Variants in LYN observed in about 807,000 individuals in gnomAD.
LYN encodes tyrosine-protein kinase Lyn.
In LYN, 12 loss-of-function variants were observed where a neutral mutation model predicts 65.0. That is an observed-to-expected ratio of 0.18 (90% CI 0.12 to 0.30). The LOEUF (loss-of-function observed/expected upper bound fraction) is 0.30, where lower values mean the gene tolerates loss of function less well. LYN is among the 10% of genes least tolerant of loss of function. LYN has a pLI of 1.00. For synonymous variants in LYN, 222 were observed against 221.2 expected (o/e 1.00, Z -0.03); for missense variants, 380 against 623.2 (o/e 0.61, Z 4.16).
In LYN at chr8:55,929,041, G is replaced by GA. The variant is rs577512685; in HGVS notation, c.-5-12807dup. On this transcript the variant is annotated intron_variant, in intron 1 of 12. Transcript: ENST00000519728. ...TACAGTTGTTCCAGTACCACTTATT[G>GA]AAAAAAATATCCTTTCAGTGTTGAA... 5.7e-3 allele frequency among the ~76,000 whole-genome samples: 867 copies of GA among 151,974 alleles called. 8 individuals are homozygous for GA. Among genetic ancestry groups the GA allele is most frequent in the African/African-American group, 0.02 (821 of 41,460 alleles).
intron 12 of LYN, among the ~76,000 whole-genome samples, chr8:56,003,346 C>G (rs1808584126): frequency 6.6e-6 from 1 of 152,106 alleles, no homozygotes; most frequent in Admixed American, 6.5e-5. Flanking sequence ...CAGGCACGAG[C>G]CACCTCACTC....
intron 8 of LYN, among the ~76,000 whole-genome samples, chr8:55,960,929 G>A (rs1338653380): frequency 6.6e-6 from 1 of 152,182 alleles, no homozygotes. Flanking sequence ...TGTGACATCT[G>A]ACTTGGGTGA....
At chr8:55,903,818 A>G (rs1261270076) in intron 1 of LYN, among the ~76,000 whole-genome samples, 3 of 152,194 alleles carry the variant, frequency 2.0e-5, no homozygotes, top group Non-Finnish European at 1.5e-5. Context: ...GTTTGACACC[A>G]GCCTGGGCAA....
intron 1 of LYN, chr8:55,893,950 G>A (rs998936867): frequency 2.0e-5 from 3 of 152,246 alleles, no homozygotes; most frequent in Non-Finnish European, 4.4e-5. Flanking sequence ...GGGACTAGAG[G>A]CATGTGCCAC....
chr8:55,925,786 G>A (rs965088193), intron 1 of LYN, among the ~76,000 whole-genome samples: 1 of 152,142 alleles, frequency 6.6e-6, no homozygotes, highest in Admixed American at 6.5e-5. Context: ...GTGTCTTGCT[G>A]TGTTTGATTT....
Position 55,942,004 on chromosome 8 carries a change from T to A in LYN, c.132+13T>A, listed in dbSNP as rs370291126. On this transcript the variant is annotated intron_variant, in intron 2 of 12. Coordinates refer to ENST00000519728, the MANE Select transcript of LYN (RefSeq NM_002350.4). ...ACAGCAAAGGCCAGTAAGTAGATAG[T>A]CTCAGGGGAGAATTCCCACAGCAAG... The A allele has an allele frequency of 5.8e-5, 94 of 1,612,394 alleles. No homozygotes were observed. The highest frequency in any genetic ancestry group is 7.7e-5 in the Non-Finnish European group (91 of 1,179,572).
At chr8:55,894,526 C>T (rs1156521779) in intron 1 of LYN, among the ~76,000 whole-genome samples, 2 of 146,346 alleles carry the variant, frequency 1.4e-5, no homozygotes, top group African/African-American at 5.0e-5. Context: ...TGTGCCACTA[C>T]ACCTGGCTAA....
chr8:56,002,401 A>G (rs2130590568), intron 12 of LYN, among the ~76,000 whole-genome samples: 1 of 151,934 alleles, frequency 6.6e-6, no homozygotes, highest in East Asian at 1.9e-4. Flanking sequence ...CCTGGGTGAC[A>G]GAGCGAGACT....
chr8:55,900,844 A>C (rs552885742), intron 1 of LYN, among the ~76,000 whole-genome samples: 2 of 152,298 alleles, frequency 1.3e-5, no homozygotes, highest in South Asian at 4.1e-4. Context: ...AGCTCTTGGA[A>C]ATCTTATATT....
chr8:55,906,729 A>AAAAAAAGAAAAAGAAAT (rs1805433346), intron 1 of LYN, among the ~76,000 whole-genome samples: 1 of 144,312 alleles, frequency 6.9e-6, no homozygotes, highest in South Asian at 2.1e-4. Flanking sequence ...GAAAAAGAAA[A>AAAAAAAGAAAAAGAAAT]AAAAAAGAGA....
chr8:55,979,387 T>G (rs1444679866), intron 10 of LYN, among the ~76,000 whole-genome samples: 1 of 152,166 alleles, frequency 6.6e-6, no homozygotes, highest in African/African-American at 2.4e-5. Context: ...TGGAATAAAA[T>G]GAAATAAAAT....
intron 10 of LYN, among the ~76,000 whole-genome samples, chr8:55,989,769 T>C (rs915542068): frequency 1.3e-5 from 2 of 152,194 alleles, no homozygotes. Flanking sequence ...CCAGAGATCC[T>C]GGGAACATGT....
chr8:55,988,630 C>T (rs1260497997), intron 10 of LYN, among the ~76,000 whole-genome samples: 1 of 152,130 alleles, frequency 6.6e-6, no homozygotes. Flanking sequence ...ATCAGATCTT[C>T]ATTTTTCCTA....
At chr8:55,887,829 C>T (rs981850750) in intron 1 of LYN, among the ~76,000 whole-genome samples, 4 of 151,946 alleles carry the variant, frequency 2.6e-5, no homozygotes, top group African/African-American at 7.3e-5. Flanking sequence ...AGGCTGGTCT[C>T]GAACTTCTGG....
At chr8:56,001,822 C>T (rs1808520668) in intron 12 of LYN, among the ~76,000 whole-genome samples, 1 of 152,078 alleles carries the variant, frequency 6.6e-6, no homozygotes, top group African/African-American at 2.4e-5. Context: ...TGGTGTGCTG[C>T]ATGTGATGTG....
chr8:55,950,488 T>C lies in LYN; in HGVS notation c.314T>C (p.Leu105Pro). 3.1e-6 allele frequency: 5 copies of C among 1,613,102 alleles called. No individual in the cohort carries two copies. The African/African-American group carries it at 4.0e-5, about 13-fold the overall frequency. Reference sequence around the variant, plus strand: ...GGAGAATGGTGGAAAGCAAAGTCCCTTTTAACAAAAAAAGAAGGCTTCATC... The same window carrying C: ...GGAGAATGGTGGAAAGCAAAGTCCCCTTTAACAAAAAAAGAAGGCTTCATC... ...EHGEWWKAKS[L>P]LTKKEGFIPS... The change falls in exon 5 of 13, where the codon CTT becomes CCT. Residue 105 changes from leucine to proline, a missense_variant. Leu to Pro is a moderately conservative substitution (Grantham distance 98). Around this residue, in one of 2 missense-constraint regions of LYN, gnomAD observed 157 missense variants for 193.2 expected, o/e 0.81. Transcript: ENST00000519728.
chr8:55,921,627 A>C (rs1288993269), intron 1 of LYN, among the ~76,000 whole-genome samples: 2 of 152,154 alleles, frequency 1.3e-5, no homozygotes, highest in Admixed American at 6.5e-5. Flanking sequence ...GTAGGAGTGC[A>C]TGAGCCAAGA....
intron 10 of LYN, among the ~76,000 whole-genome samples, chr8:55,993,885 G>A (rs1010471138): frequency 6.6e-6 from 1 of 152,200 alleles, no homozygotes; most frequent in Non-Finnish European, 1.5e-5. Context: ...CAGAAGTCAA[G>A]CTTTCCAAGC....
intron 1 of LYN, among the ~76,000 whole-genome samples, chr8:55,898,470 G>A (rs571583639): frequency 6.6e-6 from 1 of 152,006 alleles, no homozygotes; most frequent in African/African-American, 2.4e-5. Context: ...TGTATTTTTG[G>A]TAGAGACAAA....
Sources: gnomAD v4.1 joint callset for allele counts (sites outside exome capture counted in the v4.1 genomes callset) on GRCh38, gnomAD v4.1.1 for gene constraint, gnomAD v4.1.1 regional missense constraint, MANE v1.5 for transcripts, NCBI Gene and HGNC (gene_info 2026-07-23, HGNC 2026-07-21) for gene names.